ANXA2: variants seen among roughly 807,000 people sequenced by gnomAD.
The protein encoded by ANXA2 is annexin II.
In ANXA2, 28 loss-of-function variants were observed where a neutral mutation model predicts 47.3. The observed-to-expected ratio is 0.59, with a 90% CI of 0.44 to 0.81. ANXA2 has a LOEUF of 0.81. Ranked by LOEUF, ANXA2 falls within the 40% of genes least tolerant of loss-of-function variation. ANXA2 has a pLI of 0.00. For missense variants in ANXA2, 384 were observed against 414.3 expected (o/e 0.93, Z 0.64); for synonymous variants, 172 against 155.5 (o/e 1.11, Z -0.79).
At chr15:60,386,738 C>T (rs1014569331) in intron 1 of ANXA2, 2 of 152,208 alleles carry the variant, frequency 1.3e-5, no homozygotes, top group Non-Finnish European at 2.9e-5. Context: ...AGTTAATATA[C>T]TTAATGGGGC....
At chr15:60,397,770 A>T in intron 1 of ANXA2, 173 bp downstream of exon 1, 7 of 896,852 alleles carry the variant, frequency 7.8e-6, no homozygotes, top group Non-Finnish European at 1.0e-5. Flanking sequence ...CTTGTCCCTG[A>T]GCCCCCTCCC....
At chr15:60,351,656 G>T (rs1896016894) in intron 10 of ANXA2, 68 bp downstream of exon 10, 1 of 1,009,188 alleles carries the variant, frequency 9.9e-7, no homozygotes, top group African/African-American at 1.6e-5. Context: ...TGGATTAACA[G>T]GATGGCCATC....
chr15:60,362,124 C>T (rs1167067472), intron 4 of ANXA2, among the ~76,000 whole-genome samples: 1 of 152,142 alleles, frequency 6.6e-6, no homozygotes, highest in East Asian at 1.9e-4. Flanking sequence ...TTTTCTCCTG[C>T]TTCCCAATGT....
chr15:60,372,553 C>A (rs2140880877), intron 3 of ANXA2, among the ~76,000 whole-genome samples: 1 of 152,260 alleles, frequency 6.6e-6, no homozygotes, highest in South Asian at 2.1e-4. Flanking sequence ...GTGCTACTTA[C>A]TACTGATTTG....
intron 2 of ANXA2, chr15:60,382,710 A>G (rs979917779): frequency 3.5e-6 from 1 of 283,698 alleles, no homozygotes; most frequent in Non-Finnish European, 6.9e-6. Flanking sequence ...TCAAAAGTAG[A>G]CAATGCAAAG....
In ANXA2 at chr15:60,352,402, G is replaced by A. The variant is rs529527729; in HGVS notation, c.663C>T (p.Ser221=). 8 of 1,613,404 alleles carry A rather than the reference G, an allele frequency of 5.0e-6. No individual in the cohort carries two copies. Among genetic ancestry groups the A allele is most frequent in the Middle Eastern group, 1.7e-4 (1 of 6,056 alleles). ...PKWISIMTER[S]VPHLQKVFDR... ...GCCCACCTTTCTGGAGGTGGGGCACGCTCCGCTCGGTCATGATGCTGATCC... is the reference window on the plus strand; with the variant it reads ...GCCCACCTTTCTGGAGGTGGGGCACACTCCGCTCGGTCATGATGCTGATCC... The change falls in exon 9 of 13, where the codon AGC becomes AGT. Residue 221 remains serine, a synonymous_variant. Coordinates refer to ENST00000451270, the MANE Select transcript of ANXA2 (RefSeq NM_004039.3). This position sits in a 1 kb window ranked among gnomAD's most constrained non-coding sequence, Gnocchi z 4.2.
At chr15:60,354,287 T>A in intron 7 of ANXA2, 74 bp from the exon 8 acceptor site, 1 of 1,183,504 alleles carries the variant, frequency 8.4e-7, no homozygotes, top group Non-Finnish European at 1.2e-6. Flanking sequence ...TTCTCCCCAG[T>A]CCATGTACGC....
At chr15:60,351,859 T>C (rs1231887580) in intron 9 of ANXA2, 40 bp from the exon 10 acceptor site, 3 of 1,389,964 alleles carry the variant, frequency 2.2e-6, no homozygotes, top group South Asian at 2.4e-5. Context: ...TCCGAGCCAC[T>C]AGTCAAAGCT....
At chr15:60,366,682 G>A (rs2062613431) in intron 3 of ANXA2, among the ~76,000 whole-genome samples, 1 of 138,440 alleles carries the variant, frequency 7.2e-6, no homozygotes, top group Non-Finnish European at 1.6e-5. Flanking sequence ...GGTGGGGGGG[G>A]TCAGCCCCCC....
In ANXA2 at chr15:60,349,197, C is replaced by T. The variant is rs748711562; in HGVS notation, c.838G>A (p.Gly280Ser). 38 of 1,613,780 alleles carry T rather than the reference C, an allele frequency of 2.4e-5. No individual in the cohort carries two copies. In the South Asian group the frequency reaches 4.2e-4, roughly 18 times the overall value. ...FADRLYDSMK[G>S]KGTRDKVLIR... ...AGGACCTTATCTCGCGTCCCCTTGC[C>T]CTGAAAATCAAGTTGATATTTGTTA... Residue 280 changes from glycine (G) to serine (S), a missense_variant and splice_region_variant, in exon 12 of 13, where the codon GGC (glycine) becomes AGC (serine). Coordinates refer to ENST00000451270, the MANE Select transcript of ANXA2 (RefSeq NM_004039.3).
intron 5 of ANXA2, among the ~76,000 whole-genome samples, chr15:60,358,446 T>A (rs1474896707): frequency 6.6e-6 from 1 of 152,162 alleles, no homozygotes; most frequent in Middle Eastern, 3.2e-3. Flanking sequence ...AAAATGTAAA[T>A]CAATTATAAG....
intron 5 of ANXA2, among the ~76,000 whole-genome samples, chr15:60,359,405 A>G (rs2062479135): frequency 6.6e-6 from 1 of 152,234 alleles, no homozygotes. Flanking sequence ...CCCTGCCTCC[A>G]AAGGTCCACA....
intron 3 of ANXA2, among the ~76,000 whole-genome samples, chr15:60,368,530 T>G (rs2062669153): frequency 6.6e-6 from 1 of 151,464 alleles, no homozygotes; most frequent in African/African-American, 2.4e-5. Flanking sequence ...TATTAATTAA[T>G]GTTGGAAAAT....
intron 1 of ANXA2, among the ~76,000 whole-genome samples, chr15:60,392,212 G>C (rs1266934257): frequency 6.6e-6 from 1 of 152,134 alleles, no homozygotes; most frequent in African/African-American, 2.4e-5. Context: ...GACTGTGAAT[G>C]CCTGGCTAAA....
chr15:60,373,790 C>G (rs2062741148), intron 3 of ANXA2, among the ~76,000 whole-genome samples: 2 of 152,222 alleles, frequency 1.3e-5, no homozygotes, highest in African/African-American at 4.8e-5. Context: ...GAGTTAACGA[C>G]TAGAAACACA....
intron 6 of ANXA2, 90 bp downstream of exon 6, chr15:60,357,056 G>T: frequency 8.6e-7 from 1 of 1,166,480 alleles, no homozygotes; most frequent in Non-Finnish European, 1.3e-6. Context: ...ACTAATGCAG[G>T]CATCTTAGCC....
Position 60,364,316 on chromosome 15 carries a change from G to C in ANXA2, c.243+113C>G, listed in dbSNP as rs191330113. On this transcript the variant is annotated intron_variant, in intron 4 of 12. Transcript: ENST00000451270. ...TAAGAAGAAAATCTTAGATATCCAA[G>C]GGTCCCACAAGTCTTTTGCGCATGA... is the stretch of plus-strand genomic sequence containing the variant. 7.5e-6 allele frequency: 6 copies of C among 795,852 alleles called. No individual in the cohort carries two copies. The East Asian group carries it at 1.1e-4, about 14-fold the overall frequency. The allele number at this position is 795,852 out of a possible 1,614,324, so 49.3% of individuals were successfully genotyped here.
intron 3 of ANXA2, among the ~76,000 whole-genome samples, chr15:60,367,504 C>T (rs1410569210): frequency 1.8e-5 from 1 of 54,934 alleles, no homozygotes; most frequent in Non-Finnish European, 3.5e-5. Flanking sequence ...TGCCCGGCCG[C>T]CCCTACTAGG....
rs115042772 is a variant in ANXA2 at position 60,368,995 on chromosome 15, A to G, written c.149-4472T>C. 6.6e-3 allele frequency among the ~76,000 whole-genome samples: 999 copies of G among 152,284 alleles called. 6 individuals are homozygous for G. Among genetic ancestry groups the G allele is most frequent in the African/African-American group, 0.023 (950 of 41,536 alleles). ...GGATAGCTATTTCTCTTTCTATTTCATAAGTGGAGGCTCTAAAGCTCAGAG... is the reference window on the plus strand; with the variant it reads ...GGATAGCTATTTCTCTTTCTATTTCGTAAGTGGAGGCTCTAAAGCTCAGAG... On this transcript the variant is annotated intron_variant, in intron 3 of 12. Transcript: ENST00000451270.
Sources: allele counts gnomAD v4.1 joint callset (sites outside exome capture counted in the v4.1 genomes callset), GRCh38; gene constraint gnomAD v4.1.1; non-coding constraint Gnocchi (gnomAD v3.1); transcripts MANE v1.5; gene names NCBI Gene and HGNC (gene_info 2026-07-23, HGNC 2026-07-21).